VAC14: variants seen among roughly 807,000 people sequenced by gnomAD.
VAC14 encodes the protein protein VAC14 homolog.
Under a neutral mutation model 85.3 loss-of-function variants are expected in VAC14, and 47 were observed. That is an observed-to-expected ratio of 0.55 (90% CI 0.44 to 0.70). The LOEUF (loss-of-function observed/expected upper bound fraction) is 0.70, where lower values mean the gene tolerates loss of function less well. Among genes scored for constraint, VAC14 ranks in the 30% least tolerant of loss-of-function variants. The pLI is 0.00. For synonymous variants in VAC14, 447 were observed against 430.5 expected (o/e 1.04, Z -0.47); for missense variants, 861 against 1,004.3 (o/e 0.86, Z 1.93).
At position 70,762,618 on chromosome 16, in the gene VAC14, G is replaced by A. The variant is rs745474242; in HGVS notation, c.1306-13C>T. The A allele has an allele frequency of 2.5e-6, 4 of 1,613,786 alleles. No individual in the cohort carries two copies. The highest frequency in any genetic ancestry group is 1.1e-5 in the South Asian group (1 of 91,008). ...TGTGCCGGAACATCTGGAGGGCAGA[G>A]AAGCAGGGGTGCCCGTGAGTGCTCC... On this transcript the variant is annotated splice_polypyrimidine_tract_variant and intron_variant, in intron 11 of 18. Coordinates refer to ENST00000261776, the MANE Select transcript of VAC14 (RefSeq NM_018052.5). The surrounding 1 kb of genome is among the most constrained non-coding windows in gnomAD (Gnocchi z 4.1).
At chr16:70,797,515 A>G (rs959290027) in intron 1 of VAC14, among the ~76,000 whole-genome samples, 5 of 152,254 alleles carry the variant, frequency 3.3e-5, no homozygotes, top group African/African-American at 1.2e-4. Flanking sequence ...ACTATGTGAT[A>G]TACGTATGTT....
chr16:70,772,154 C>T lies in VAC14; in HGVS notation c.1115G>A (p.Cys372Tyr), dbSNP rs375392248. The T allele has an allele frequency of 1.4e-5, 23 of 1,614,000 alleles. No individual in the cohort carries two copies. The highest frequency in any genetic ancestry group is 1.7e-5 in the Non-Finnish European group (20 of 1,180,036). The change falls in exon 10 of 19, where the codon TGT becomes TAT. Residue 372 changes from cysteine to tyrosine, a missense_variant. This residue lies in a region of VAC14 where 629 missense variants were observed against 703.1 expected (regional missense o/e 0.89). Transcript: ENST00000261776. ...GTASGGPDGS[C>Y]DSSFSSGISV... ...GATGCCGCTACTGAAGCTGGAGTCA[C>T]AGGAACCATCTGGACCTCCTGGGAG... is the stretch of plus-strand genomic sequence containing the variant.
At chr16:70,785,596 T>C (rs1041055206) in intron 3 of VAC14, 106 bp downstream of exon 3, 1 of 1,349,320 alleles carries the variant, frequency 7.4e-7, no homozygotes, top group Non-Finnish European at 9.9e-7. Flanking sequence ...GCCACATGCT[T>C]GTTTGCTCTG....
chr16:70,784,316 C>A, intron 4 of VAC14, 96 bp from the exon 5 acceptor site: 2 of 979,714 alleles, frequency 2.0e-6, no homozygotes, highest in Non-Finnish European at 3.1e-6. Flanking sequence ...AGCGCTCAGG[C>A]GGCCACCAAG....
At chr16:70,703,262 G>T (rs145130176) in intron 14 of VAC14, among the ~76,000 whole-genome samples, 1 of 152,236 alleles carries the variant, frequency 6.6e-6, no homozygotes, top group Non-Finnish European at 1.5e-5. Context: ...TCCAACACCC[G>T]CATGAAAACG....
intron 10 of VAC14, among the ~76,000 whole-genome samples, chr16:70,765,209 G>A (rs796839917): frequency 1.1e-4 from 17 of 152,292 alleles, no homozygotes; most frequent in African/African-American, 3.8e-4. Context: ...CGAGGACCCC[G>A]TGCCTGGCAA....
chr16:70,742,483 C>T (rs576573311), intron 13 of VAC14, among the ~76,000 whole-genome samples: 14 of 152,380 alleles, frequency 9.2e-5, no homozygotes, highest in South Asian at 2.1e-4. Context: ...GGACACAGGA[C>T]GGAGAATGGA....
intron 1 of VAC14, among the ~76,000 whole-genome samples, chr16:70,798,858 G>A (rs958147380): frequency 6.6e-6 from 1 of 152,106 alleles, no homozygotes; most frequent in African/African-American, 2.4e-5. Flanking sequence ...TCATTTATTC[G>A]GACACCAGCT....
At chr16:70,769,291 C>T (rs1188600686) in intron 10 of VAC14, 2 of 154,380 alleles carry the variant, frequency 1.3e-5, no homozygotes, top group African/African-American at 2.4e-5. Flanking sequence ...CAGACCTGAA[C>T]TGAGTGAAAC....
chr16:70,792,577 C>T (rs2034385592), intron 1 of VAC14, among the ~76,000 whole-genome samples: 1 of 152,174 alleles, frequency 6.6e-6, no homozygotes, highest in Non-Finnish European at 1.5e-5. Context: ...ACACCCATTC[C>T]CCAGAAGATA....
Position 70,762,667 on chromosome 16 carries a change from T to C in VAC14, c.1306-62A>G. The C allele has an allele frequency of 1.9e-6, 3 of 1,564,564 alleles. No individual in the cohort carries two copies. The highest frequency in any genetic ancestry group is 1.8e-6 in the Non-Finnish European group (2 of 1,139,308). ...CCCTTCGCCCCGGGACTACGTGCAG[T>C]GCAGTGTCCCGCTGGTGTGCACGGA... On this transcript the variant is annotated intron_variant, in intron 11 of 18. Transcript: ENST00000261776. This position sits in a 1 kb window ranked among gnomAD's most constrained non-coding sequence, Gnocchi z 4.1.
At chr16:70,764,558 T>C (rs949161987) in intron 10 of VAC14, among the ~76,000 whole-genome samples, 26 of 152,244 alleles carry the variant, frequency 1.7e-4, no homozygotes, top group Non-Finnish European at 1.6e-4. Flanking sequence ...GTCACAGATA[T>C]AATTTTACAT....
intron 16 of VAC14, chr16:70,695,936 T>G: frequency 4.2e-6 from 1 of 237,716 alleles, no homozygotes; most frequent in Non-Finnish European, 8.4e-6. Context: ...GTTCTCTCCT[T>G]TCCTGCCAGC....
chr16:70,720,356 T>C (rs993016254), intron 14 of VAC14, among the ~76,000 whole-genome samples: 4 of 152,336 alleles, frequency 2.6e-5, no homozygotes, highest in Middle Eastern at 3.4e-3. Context: ...ACCAAAGACA[T>C]CCAGGCATCG....
At chr16:70,732,632 T>C (rs1287580119) in intron 13 of VAC14, among the ~76,000 whole-genome samples, 1 of 151,724 alleles carries the variant, frequency 6.6e-6, no homozygotes, top group South Asian at 2.1e-4. Context: ...TCACTGTGCC[T>C]GAGGCAGGAA....
chr16:70,689,365 AG>A, intron 18 of VAC14: 1 of 985,362 alleles, frequency 1.0e-6, no homozygotes, highest in East Asian at 1.1e-4. Flanking sequence ...GTGGAAATAA[AG>A]GAGGCCATTT....
chr16:70,781,468 G>T (rs561057750), intron 8 of VAC14, among the ~76,000 whole-genome samples: 65 of 152,338 alleles, frequency 4.3e-4, no homozygotes, highest in African/African-American at 1.5e-3. Flanking sequence ...ACGTTAGGCA[G>T]ACAGGCTGTC....
chr16:70,762,666 G>T lies in VAC14; in HGVS notation c.1306-61C>A, dbSNP rs2032496529. ...TCCCTTCGCCCCGGGACTACGTGCAGTGCAGTGTCCCGCTGGTGTGCACGG... is the reference window on the plus strand; with the variant it reads ...TCCCTTCGCCCCGGGACTACGTGCATTGCAGTGTCCCGCTGGTGTGCACGG... On this transcript the variant is annotated intron_variant, in intron 11 of 18. Transcript: ENST00000261776. This position sits in a 1 kb window ranked among gnomAD's most constrained non-coding sequence, Gnocchi z 4.1. The T allele has an allele frequency of 1.3e-6, 2 of 1,576,638 alleles. No individual in the cohort carries two copies. Among genetic ancestry groups the T allele is most frequent in the African/African-American group, 2.7e-5 (2 of 74,110 alleles).
At chr16:70,779,650 A>G (rs2033709507) in intron 9 of VAC14, among the ~76,000 whole-genome samples, 1 of 151,790 alleles carries the variant, frequency 6.6e-6, no homozygotes, top group South Asian at 2.1e-4. Context: ...GAATTTAACT[A>G]GAAAAAAAAA....
Sources: gnomAD v4.1 joint callset for allele counts (sites outside exome capture counted in the v4.1 genomes callset) on GRCh38, gnomAD v4.1.1 for gene constraint, gnomAD v4.1.1 regional missense constraint, Gnocchi (gnomAD v3.1) non-coding constraint, MANE v1.5 for transcripts, NCBI Gene and HGNC (gene_info 2026-07-23, HGNC 2026-07-21) for gene names.